STK36: variants seen among roughly 807,000 people sequenced by gnomAD.
STK36 encodes serine/threonine kinase 36, also known as serine/threonine-protein kinase 36.
In STK36, 116 loss-of-function variants were observed where a neutral mutation model predicts 142.2. The observed-to-expected ratio is 0.82, with a 90% CI of 0.70 to 0.95. The LOEUF is 0.95. Ranked by LOEUF, STK36 falls within the 40% of genes least tolerant of loss-of-function variation. The pLI is 0.00. For missense variants in STK36, 1,422 were observed against 1,617.2 expected, an observed-to-expected ratio of 0.88 and a Z score of 2.07; for synonymous variants, 619 against 641.7, an observed-to-expected ratio of 0.96 and a Z score of 0.53.
chr2:218,679,481 A>C (rs1406335396), intron 7 of STK36, 79 bp from the exon 8 acceptor site: 1 of 1,512,398 alleles, frequency 6.6e-7, no homozygotes, highest in African/African-American at 1.4e-5. Flanking sequence ...GCCTGGAGAC[A>C]CTGAAGTTGT....
intron 25 of STK36, 148 bp downstream of exon 25, chr2:218,698,149 T>G: frequency 8.9e-7 from 1 of 1,118,214 alleles, no homozygotes; most frequent in Non-Finnish European, 1.3e-6. Context: ...GAGACAGTAC[T>G]CAGACCTGCG....
At chr2:218,673,386 C>G (rs968077895) in intron 2 of STK36, 3 of 528,756 alleles carry the variant, frequency 5.7e-6, no homozygotes, top group Non-Finnish European at 9.7e-6. Flanking sequence ...CAAATCAGAA[C>G]ACTTCTTCCA....
rs1940681889 is a variant in STK36 at position 218,684,385 on chromosome 2, G to GATT, written c.1237-697_1237-695dup. 6.4e-5 allele frequency among the ~76,000 whole-genome samples: 9 copies of GATT among 139,598 alleles called. No homozygotes were observed. The South Asian group carries it at 2.1e-3, about 32-fold the overall frequency. The allele number at this position is 139,598 out of a possible 152,430, so 91.6% of individuals were successfully genotyped here. On this transcript the variant is annotated intron_variant, in intron 10 of 26. Coordinates refer to ENST00000295709, the MANE Select transcript of STK36 (RefSeq NM_015690.5). ...CTGCCTCAGCCTCCCAAAGTGCTGG[G>GATT]ATTATAGGCGTGAGCTACTGCGCCT...
intron 10 of STK36, among the ~76,000 whole-genome samples, chr2:218,681,129 G>GTTT (rs544336140): frequency 7.5e-6 from 1 of 133,716 alleles, no homozygotes; most frequent in Non-Finnish European, 1.6e-5. Flanking sequence ...TACCACAATC[G>GTTT]TTTTTTTTTT....
At chr2:218,691,310 C>G (rs1321883857) in intron 14 of STK36, among the ~76,000 whole-genome samples, 1 of 152,098 alleles carries the variant, frequency 6.6e-6, no homozygotes, top group Non-Finnish European at 1.5e-5. Flanking sequence ...CTACTACTTG[C>G]CTTTAGCTAG....
Position 218,702,627 on chromosome 2 carries a change from C to G in STK36, c.*618C>G, listed in dbSNP as rs1314120816. On this transcript the variant is annotated 3_prime_UTR_variant, in exon 27 of 27. Transcript: ENST00000295709. ...TTAATAAAAGTTGTGCCTCACCATA[C>G]TTGAAGCTCCCAGGACAAGGGTTGA... 4 of 152,146 alleles carry G rather than the reference C, an allele frequency of 2.6e-5. No homozygotes were observed. The highest frequency in any genetic ancestry group is 2.0e-4 in the Admixed American group (3 of 15,264). 9.4% of individuals were successfully genotyped at this position (152,146 alleles called of 1,614,324 possible).
chr2:218,698,368 G>A lies in STK36; in HGVS notation c.3058-234G>A, dbSNP rs731297. On this transcript the variant is annotated intron_variant, in intron 25 of 26. Transcript: ENST00000295709. Reference sequence around the variant, plus strand: ...TGTTGTTTCTTTTTGTTTTTTCACAGTGGGTCTTTGAAGGCAGAGACTGAG... The same window carrying A: ...TGTTGTTTCTTTTTGTTTTTTCACAATGGGTCTTTGAAGGCAGAGACTGAG... 4.3e-4 allele frequency among the ~76,000 whole-genome samples: 66 copies of A among 152,246 alleles called. No homozygotes were observed. The highest frequency in any genetic ancestry group is 1.5e-3 in the African/African-American group (63 of 41,532).
chr2:218,694,159 G>A lies in STK36; in HGVS notation c.2337-105G>A. ...CTCCCATCAACTTTGTGCCTTGGAGGTAGACATGCAGCCTAGGTGAAGAAC... is the reference window on the plus strand; with the variant it reads ...CTCCCATCAACTTTGTGCCTTGGAGATAGACATGCAGCCTAGGTGAAGAAC... On this transcript the variant is annotated intron_variant, in intron 19 of 26. Transcript: ENST00000295709. This position sits in a 1 kb window ranked among gnomAD's most constrained non-coding sequence, Gnocchi z 4.4. The A allele has an allele frequency of 8.3e-7, 1 of 1,211,508 alleles. No individual in the cohort carries two copies. The highest frequency in any genetic ancestry group is 1.2e-5 in the South Asian group (1 of 80,896). The allele number at this position is 1,211,508 out of a possible 1,614,324, so 75.0% of individuals were successfully genotyped here.
intron 17 of STK36, 119 bp downstream of exon 17, chr2:218,693,463 T>G: frequency 2.0e-6 from 2 of 1,021,284 alleles, no homozygotes; most frequent in South Asian, 3.2e-5. Context: ...AGAGACCATT[T>G]GAGACACCCC....
intron 9 of STK36, among the ~76,000 whole-genome samples, 175 bp downstream of exon 9, chr2:218,680,255 T>C (rs1478746369): frequency 1.3e-5 from 2 of 152,196 alleles, no homozygotes; most frequent in African/African-American, 4.8e-5. Context: ...TTCTGATTCA[T>C]CAGGAAACTT....
intron 10 of STK36, among the ~76,000 whole-genome samples, chr2:218,681,810 G>T (rs562380122): frequency 1.3e-5 from 2 of 152,352 alleles, no homozygotes; most frequent in African/African-American, 4.8e-5. Flanking sequence ...GAGCCCTTGT[G>T]ACCTAAACAC....
At chr2:218,693,625 G>C in intron 17 of STK36, 98 bp from the exon 18 acceptor site, 1 of 1,165,202 alleles carries the variant, frequency 8.6e-7, no homozygotes. Flanking sequence ...GTGGGTACCA[G>C]ATCTTTTGAG....
intron 11 of STK36, among the ~76,000 whole-genome samples, chr2:218,686,095 C>A (rs1940765027): frequency 6.6e-6 from 1 of 151,894 alleles, no homozygotes; most frequent in African/African-American, 2.4e-5. Flanking sequence ...CGTGCCACCA[C>A]GCCCGGTTAA....
In STK36 at chr2:218,699,378, T is replaced by C. The variant is rs1941363193; in HGVS notation, c.3804+30T>C. ...ACCCTACAGCACTTATGAACCATGA[T>C]GATCAGGGCCCCTATAGTTGACAAC... On this transcript the variant is annotated intron_variant, in intron 26 of 26. Coordinates refer to ENST00000295709, the MANE Select transcript of STK36 (RefSeq NM_015690.5). 1.0e-5 allele frequency: 16 copies of C among 1,598,864 alleles called. 1 individual carries two copies. The highest frequency in any genetic ancestry group is 1.7e-4 in the Middle Eastern group (1 of 5,970).
At chr2:218,679,795 G>A in intron 8 of STK36, 66 bp downstream of exon 8, 1 of 1,609,604 alleles carries the variant, frequency 6.2e-7, no homozygotes, top group South Asian at 1.1e-5. Flanking sequence ...GAGGAGGAGG[G>A]TGACTTTCTA....
chr2:218,678,889 C>T (rs1464138296), intron 6 of STK36, among the ~76,000 whole-genome samples: 1 of 152,180 alleles, frequency 6.6e-6, no homozygotes, highest in African/African-American at 2.4e-5. Flanking sequence ...TTTCTCCCTT[C>T]TTTACAAAGT....
chr2:218,697,915 C>T lies in STK36; in HGVS notation c.2971C>T (p.Pro991Ser), dbSNP rs1941298005. 3 of 1,614,134 alleles carry T rather than the reference C, an allele frequency of 1.9e-6. No homozygotes were observed. The highest frequency in any genetic ancestry group is 2.5e-6 in the Non-Finnish European group (3 of 1,180,028). ...CTCTGTCTGCCAGCTCCTTTGCTTCCCCTTTGCGCTGGACATGGATGCTGA... is the reference window on the plus strand; with the variant it reads ...CTCTGTCTGCCAGCTCCTTTGCTTCTCCTTTGCGCTGGACATGGATGCTGA... Reference protein sequence around the residue: ...VLSVCQLLCFPFALDMDADLL... With the variant: ...VLSVCQLLCFSFALDMDADLL... The change falls in exon 25 of 27, where the codon CCC becomes TCC. Residue 991 changes from proline to serine, a missense_variant. By Grantham distance (74) the Pro-to-Ser change is moderately conservative (BLOSUM62 -1). Transcript: ENST00000295709.
chr2:218,688,642 CCTT>C (rs1299294751), intron 11 of STK36, 52 bp from the exon 12 acceptor site: 10 of 1,571,946 alleles, frequency 6.4e-6, no homozygotes, highest in Admixed American at 1.8e-5. Flanking sequence ...GTGTAGTTCT[CCTT>C]CTTTTACCTC....
At chr2:218,697,415 C>T (rs1260538323) in intron 23 of STK36, 48 bp from the exon 24 acceptor site, 1 of 1,602,698 alleles carries the variant, frequency 6.2e-7, no homozygotes, top group East Asian at 2.2e-5. Context: ...GCAGGGGTAT[C>T]TGGGCGTCTT....
Sources: allele counts gnomAD v4.1 joint callset (sites outside exome capture counted in the v4.1 genomes callset), GRCh38; gene constraint gnomAD v4.1.1; non-coding constraint Gnocchi (gnomAD v3.1); transcripts MANE v1.5; gene names NCBI Gene and HGNC (gene_info 2026-07-23, HGNC 2026-07-21).